The following PARD3 variants were observed in gnomAD, a reference collection of about 807,000 sequenced individuals.
PARD3 encodes partitioning defective 3 homolog.
In PARD3, 75 loss-of-function variants were observed where a neutral mutation model predicts 155.4. The observed-to-expected ratio is 0.48, with a 90% CI of 0.40 to 0.58. PARD3 has a LOEUF of 0.58. Among genes scored for constraint, PARD3 ranks in the 20% least tolerant of loss-of-function variants. PARD3 has a pLI of 0.00. For missense variants in PARD3, 1,642 were observed against 1,721.7 expected, an observed-to-expected ratio of 0.95 and a Z score of 0.82; for synonymous variants, 576 against 610.5, an observed-to-expected ratio of 0.94 and a Z score of 0.83.
chr10:34,500,540 G>T (rs2133419251), intron 3 of PARD3, among the ~76,000 whole-genome samples: 1 of 152,214 alleles, frequency 6.6e-6, no homozygotes, highest in African/African-American at 2.4e-5. Context: ...TCAGGAGTTT[G>T]AGACCAGCCT....
In PARD3 at chr10:34,155,668, A is replaced by ATGTGTGTGTGTGTGTGTG. The variant is rs3039232; in HGVS notation, c.3420-24103_3420-24086dup. Among the ~76,000 whole-genome samples, 315 of 140,420 alleles carry ATGTGTGTGTGTGTGTGTG rather than the reference A, an allele frequency of 2.2e-3. 1 individual carries two copies. The highest frequency in any genetic ancestry group is 7.8e-3 in the African/African-American group (298 of 38,018). The allele number at this position is 140,420 out of a possible 152,430, so 92.1% of individuals were successfully genotyped here. A position where few individuals can be genotyped will look rare whatever the true frequency, so the allele number is the denominator to read the frequency against. On this transcript the variant is annotated intron_variant, in intron 22 of 24. Transcript: ENST00000374788. ...TTCAGAAACCACAAGCCCTCTAAAA[A>ATGTGTGTGTGTGTGTGTG]TGTGTGTGTGTGTGTGTGTGTGTGT...
intron 5 of PARD3, among the ~76,000 whole-genome samples, chr10:34,448,663 G>A (rs2076888923): frequency 6.6e-6 from 1 of 151,818 alleles, no homozygotes; most frequent in South Asian, 2.1e-4. Flanking sequence ...TTAATTAGCT[G>A]GGCATGGTGG....
chr10:34,188,559 GACACATGTGCACAC>G (rs757884981), intron 22 of PARD3, among the ~76,000 whole-genome samples: 19 of 152,052 alleles, frequency 1.2e-4, no homozygotes, highest in Non-Finnish European at 2.1e-4. Flanking sequence ...TACGTACACC[GACACATGTGCACAC>G]ACACCCAAAT....
intron 1 of PARD3, among the ~76,000 whole-genome samples, chr10:34,798,790 C>A (rs959742596): frequency 3.9e-5 from 6 of 151,948 alleles, no homozygotes; most frequent in African/African-American, 1.4e-4. Context: ...CTGATCATCT[C>A]AACTTGTGTT....
chr10:34,290,035 C>A (rs568291220), intron 20 of PARD3, among the ~76,000 whole-genome samples: 2 of 152,176 alleles, frequency 1.3e-5, no homozygotes, highest in East Asian at 3.9e-4. Flanking sequence ...GGGTTTTCAG[C>A]AAAGCAACAT....
chr10:34,148,849 T>C (rs1948644294), intron 22 of PARD3, among the ~76,000 whole-genome samples: 1 of 148,714 alleles, frequency 6.7e-6, no homozygotes, highest in African/African-American at 2.5e-5. Context: ...TCTATCCCTC[T>C]ATTGCCAGAA....
chr10:34,655,682 C>T (rs3002030), intron 2 of PARD3, among the ~76,000 whole-genome samples: 59,458 of 152,020 alleles, frequency 0.39, 12,223 homozygotes, highest in African/African-American at 0.51. Flanking sequence ...TTGTCCCTTC[C>T]TCAAGAGCAG....
intron 7 of PARD3, among the ~76,000 whole-genome samples, chr10:34,393,911 C>G (rs1450822363): frequency 1.3e-5 from 2 of 149,538 alleles, no homozygotes; most frequent in Non-Finnish European, 3.0e-5. Flanking sequence ...GATCTCAGCT[C>G]ACTGCAACCT....
chr10:34,298,774 TAAC>T (rs1239861649), intron 20 of PARD3, among the ~76,000 whole-genome samples: 1 of 152,166 alleles, frequency 6.6e-6, no homozygotes, highest in Admixed American at 6.5e-5. Flanking sequence ...TTTAAAATGA[TAAC>T]AACAATAAAA....
chr10:34,552,130 G>C (rs1173663751), intron 2 of PARD3, among the ~76,000 whole-genome samples: 1 of 151,988 alleles, frequency 6.6e-6, no homozygotes, highest in African/African-American at 2.4e-5. Flanking sequence ...ATTTATTATA[G>C]AGACAGAGTC....
At chr10:34,637,867 G>T (rs1465951828) in intron 2 of PARD3, among the ~76,000 whole-genome samples, 2 of 152,202 alleles carry the variant, frequency 1.3e-5, no homozygotes, top group African/African-American at 4.8e-5. Flanking sequence ...AATTAAGTTT[G>T]CAGGCGTGAA....
chr10:34,727,928 A>G (rs914232879), intron 1 of PARD3, among the ~76,000 whole-genome samples: 2 of 149,706 alleles, frequency 1.3e-5, no homozygotes, highest in Non-Finnish European at 3.0e-5. Flanking sequence ...CAACCCCTCC[A>G]GACTCAACCA....
Position 34,769,798 on chromosome 10 carries a change from A to C in PARD3, c.120+45078T>G, listed in dbSNP as rs1406159023. The stretch of plus-strand genomic sequence containing the variant: ...AACAAACAAACAAACGAACAAAAAA[A>C]CAAAACAAAAAAAAAAACAAGAAAA... On this transcript the variant is annotated intron_variant, in intron 1 of 24. Transcript: ENST00000374788. Among the ~76,000 whole-genome samples, 10 of 19,140 alleles carry C rather than the reference A, an allele frequency of 5.2e-4. No homozygotes were observed. The South Asian group carries it at 0.024, about 47-fold the overall frequency. The allele number at this position is 19,140 out of a possible 152,430, so 12.6% of individuals were successfully genotyped here.
At chr10:34,600,216 C>G (rs1336589498) in intron 2 of PARD3, among the ~76,000 whole-genome samples, 1 of 151,284 alleles carries the variant, frequency 6.6e-6, no homozygotes, top group African/African-American at 2.4e-5. Flanking sequence ...CGTGGTGTCA[C>G]CAGCCGGTAG....
At chr10:34,417,058 C>T (rs1845743054) in intron 5 of PARD3, among the ~76,000 whole-genome samples, 1 of 152,132 alleles carries the variant, frequency 6.6e-6, no homozygotes, top group African/African-American at 2.4e-5. Flanking sequence ...GGAATGGTTC[C>T]CACACCCCTA....
At chr10:34,739,950 G>C (rs1158818057) in intron 1 of PARD3, among the ~76,000 whole-genome samples, 1 of 152,170 alleles carries the variant, frequency 6.6e-6, no homozygotes, top group Non-Finnish European at 1.5e-5. Flanking sequence ...ACCAGAGTTG[G>C]AAGGCAAGGA....
chr10:34,245,863 C>A (rs1953916755), intron 22 of PARD3, among the ~76,000 whole-genome samples: 2 of 152,146 alleles, frequency 1.3e-5, no homozygotes, highest in Non-Finnish European at 2.9e-5. Flanking sequence ...GTGTGCAGAG[C>A]CAGGCTTGGT....
chr10:34,558,184 G>A (rs544924442), intron 2 of PARD3, among the ~76,000 whole-genome samples: 17 of 152,042 alleles, frequency 1.1e-4, no homozygotes, highest in Middle Eastern at 3.4e-3. Flanking sequence ...AGTTGAATAC[G>A]TAATTATATT....
intron 12 of PARD3, among the ~76,000 whole-genome samples, chr10:34,370,888 T>C (rs1840531105): frequency 6.6e-6 from 1 of 151,940 alleles, no homozygotes; most frequent in African/African-American, 2.4e-5. Context: ...ATCTTTTCCA[T>C]TTATTTTGAG....
Sources: allele counts gnomAD v4.1 joint callset (sites outside exome capture counted in the v4.1 genomes callset), GRCh38; gene constraint gnomAD v4.1.1; transcripts MANE v1.5; gene names NCBI Gene and HGNC (gene_info 2026-07-23, HGNC 2026-07-21).